The following KPNA3 variants were observed in gnomAD, a reference collection of about 807,000 sequenced individuals.
KPNA3 encodes karyopherin subunit alpha 3.
Under a neutral mutation model 73.8 loss-of-function variants are expected in KPNA3, and 13 were observed. That is an observed-to-expected ratio of 0.18 (90% CI 0.11 to 0.28). KPNA3 has a LOEUF of 0.28. KPNA3 is among the 10% of genes least tolerant of loss of function. The pLI is 1.00. For missense variants in KPNA3, 360 were observed against 618.1 expected, an observed-to-expected ratio of 0.58 and a Z score of 4.43; for synonymous variants, 186 against 206.9, an observed-to-expected ratio of 0.90 and a Z score of 0.87.
At chr13:49,791,680 G>A (rs1190038664) in intron 1 of KPNA3, among the ~76,000 whole-genome samples, 1 of 151,904 alleles carries the variant, frequency 6.6e-6, no homozygotes, top group Non-Finnish European at 1.5e-5. Flanking sequence ...AAGAAAACAA[G>A]TCCTATGAGC....
At chr13:49,704,080 G>C (rs1489820801) in intron 15 of KPNA3, among the ~76,000 whole-genome samples, 2 of 152,078 alleles carry the variant, frequency 1.3e-5, no homozygotes, top group African/African-American at 4.8e-5. Context: ...ACCTACTTCT[G>C]TCACCTTGGA....
chr13:49,789,924 T>C (rs540391860), intron 1 of KPNA3, among the ~76,000 whole-genome samples: 9 of 152,254 alleles, frequency 5.9e-5, no homozygotes, highest in Non-Finnish European at 1.3e-4. Flanking sequence ...CAGAGTATCT[T>C]CCCTTTCTGC....
Position 49,792,521 on chromosome 13 carries a change from C to A in KPNA3, c.-15G>T. ...TTCTCGGCCATGGCTGCGCGCGGCT[C>A]CGGCGGCGGCTACTCCTGCGGCTGC... On this transcript the variant is annotated 5_prime_UTR_variant, in exon 1 of 17. Coordinates refer to ENST00000261667, the MANE Select transcript of KPNA3 (RefSeq NM_002267.4). 1.3e-6 allele frequency: 2 copies of A among 1,534,352 alleles called. No homozygotes were observed. Among genetic ancestry groups the A allele is most frequent in the Non-Finnish European group, 1.8e-6 (2 of 1,137,588 alleles).
intron 1 of KPNA3, among the ~76,000 whole-genome samples, chr13:49,766,450 A>ATATT (rs1954808451): frequency 6.6e-6 from 1 of 152,166 alleles, no homozygotes; most frequent in Non-Finnish European, 1.5e-5. Flanking sequence ...TATCTGTGAT[A>ATATT]TATTTCTTCC....
intron 1 of KPNA3, among the ~76,000 whole-genome samples, chr13:49,759,126 G>A (rs1954737008): frequency 6.6e-6 from 1 of 152,078 alleles, no homozygotes; most frequent in Admixed American, 6.5e-5. Context: ...AACACACATA[G>A]ATTTCAATCT....
chr13:49,784,231 G>T (rs1050016343), intron 1 of KPNA3, among the ~76,000 whole-genome samples: 1 of 151,936 alleles, frequency 6.6e-6, no homozygotes, highest in Non-Finnish European at 1.5e-5. Context: ...CAAAAATAAT[G>T]TTTAAAAATT....
chr13:49,763,836 G>T (rs1954787915), intron 1 of KPNA3, among the ~76,000 whole-genome samples: 1 of 152,116 alleles, frequency 6.6e-6, no homozygotes, highest in Admixed American at 6.6e-5. Flanking sequence ...GGAGGCTGAG[G>T]TGGGAGGAGT....
chr13:49,744,888 G>GA (rs1439697678), intron 2 of KPNA3, among the ~76,000 whole-genome samples: 2 of 152,020 alleles, frequency 1.3e-5, no homozygotes, highest in East Asian at 1.9e-4. Context: ...TAAACACTTA[G>GA]AAAAAATAAG....
At chr13:49,765,313 CTATT>C (rs1467926233) in intron 1 of KPNA3, among the ~76,000 whole-genome samples, 1 of 152,112 alleles carries the variant, frequency 6.6e-6, no homozygotes, top group Non-Finnish European at 1.5e-5. Flanking sequence ...CTAAAACGTA[CTATT>C]TATTATTTTG....
chr13:49,719,012 G>A (rs1007080456), intron 10 of KPNA3, among the ~76,000 whole-genome samples: 5 of 152,060 alleles, frequency 3.3e-5, no homozygotes, highest in Admixed American at 3.3e-4. Context: ...AGAAAGAGAT[G>A]TTAGTTAGAA....
chr13:49,766,703 TC>T (rs1954810471), intron 1 of KPNA3, among the ~76,000 whole-genome samples: 1 of 152,164 alleles, frequency 6.6e-6, no homozygotes, highest in South Asian at 2.1e-4. Context: ...ACTTCAAACT[TC>T]CTTCTCTATC....
intron 2 of KPNA3, among the ~76,000 whole-genome samples, chr13:49,738,895 T>C (rs1400710317): frequency 2.0e-5 from 3 of 152,242 alleles, no homozygotes; most frequent in East Asian, 1.9e-4. Flanking sequence ...TATGATGGAC[T>C]TCCTCACCTT....
At chr13:49,756,438 T>C (rs1220710899) in intron 1 of KPNA3, among the ~76,000 whole-genome samples, 1 of 152,174 alleles carries the variant, frequency 6.6e-6, no homozygotes, top group East Asian at 1.9e-4. Flanking sequence ...GTGTTTATTG[T>C]CCTAGTTACT....
At chr13:49,737,561 C>CTGTGTG (rs3990330) in intron 2 of KPNA3, among the ~76,000 whole-genome samples, 60 of 143,060 alleles carry the variant, frequency 4.2e-4, no homozygotes, top group African/African-American at 9.3e-4. Flanking sequence ...GTGTGTGTGT[C>CTGTGTG]TGTGTGTGTG....
At position 49,736,997 on chromosome 13, in the gene KPNA3, C is replaced by T. The variant is rs1249165833; in HGVS notation, c.115-3951G>A. ...GTCTGGAGATTTATATAAATTGTTG[C>T]TTGTATCAACAATTGTTGCTTATAT... is the stretch of plus-strand genomic sequence containing the variant. On this transcript the variant is annotated intron_variant, in intron 2 of 16. Coordinates refer to ENST00000261667, the MANE Select transcript of KPNA3 (RefSeq NM_002267.4). 2.0e-5 allele frequency among the ~76,000 whole-genome samples: 3 copies of T among 151,994 alleles called. No individual in the cohort carries two copies. The East Asian group carries it at 5.8e-4, about 29-fold the overall frequency.
chr13:49,770,179 C>CTTT lies in KPNA3; in HGVS notation c.69+22256_69+22258dup, dbSNP rs35910811. Reference sequence around the variant, plus strand: ...ATTTTTTCCTCCCATTTGTGGGCTGCTTTTTTTTTTTTTTTTTTTTTTTGG... The same window carrying CTTT: ...ATTTTTTCCTCCCATTTGTGGGCTGCTTTTTTTTTTTTTTTTTTTTTTTTTTGG... On this transcript the variant is annotated intron_variant, in intron 1 of 16. Coordinates refer to ENST00000261667, the MANE Select transcript of KPNA3 (RefSeq NM_002267.4). Among the ~76,000 whole-genome samples the CTTT allele has an allele frequency of 8.0e-3, 669 of 83,788 alleles. 17 individuals are homozygous for CTTT. The highest frequency in any genetic ancestry group is 0.024 in the African/African-American group (471 of 19,452). 55.0% of individuals were successfully genotyped at this position (83,788 alleles called of 152,430 possible).
chr13:49,721,836 C>G (rs1012361416), intron 9 of KPNA3, 119 bp downstream of exon 9: 1 of 673,026 alleles, frequency 1.5e-6, no homozygotes, highest in East Asian at 3.1e-5. Flanking sequence ...AACAAACAAA[C>G]AAAAAACTCA....
chr13:49,762,772 T>C (rs1954778340), intron 1 of KPNA3, among the ~76,000 whole-genome samples: 1 of 152,006 alleles, frequency 6.6e-6, no homozygotes, highest in Non-Finnish European at 1.5e-5. Flanking sequence ...GAGACCTTTG[T>C]TCACTTGTTT....
intron 7 of KPNA3, among the ~76,000 whole-genome samples, chr13:49,724,974 C>A (rs943837627): frequency 6.6e-6 from 1 of 152,152 alleles, no homozygotes; most frequent in Non-Finnish European, 1.5e-5. Context: ...ACCTTGATTA[C>A]CACACCTAAA....
Sources: gnomAD v4.1 joint callset for allele counts (sites outside exome capture counted in the v4.1 genomes callset) on GRCh38, gnomAD v4.1.1 for gene constraint, MANE v1.5 for transcripts, NCBI Gene and HGNC (gene_info 2026-07-23, HGNC 2026-07-21) for gene names.